Variants in CHL1 observed in about 807,000 individuals in gnomAD.
CHL1 encodes cell adhesion molecule L1 like.
In CHL1, 96 loss-of-function variants were observed where a neutral mutation model predicts 141.9. The observed-to-expected ratio is 0.68, with a 90% CI of 0.57 to 0.80. The LOEUF is 0.80. Among genes scored for constraint, CHL1 ranks in the 30% least tolerant of loss-of-function variants. The pLI is 0.00. For synonymous variants in CHL1, 613 were observed against 502.2 expected, an observed-to-expected ratio of 1.22 and a Z score of -2.95; for missense variants, 1,820 against 1,457.2, an observed-to-expected ratio of 1.25 and a Z score of -4.05.
chr3:366,364 G>A (rs1704882799), intron 15 of CHL1, among the ~76,000 whole-genome samples: 2 of 151,708 alleles, frequency 1.3e-5, no homozygotes, highest in Admixed American at 6.6e-5. Context: ...CCAGCTACTC[G>A]AGAGGCTGGT....
Position 406,258 on chromosome 3 carries a change from G to C in CHL1, c.*547G>C, listed in dbSNP as rs1709525622. 6.6e-6 allele frequency: 1 copy of C among 152,212 alleles called. No homozygotes were observed. The highest frequency in any genetic ancestry group is 2.4e-5 in the African/African-American group (1 of 41,414). 9.4% of individuals were successfully genotyped at this position (152,212 alleles called of 1,614,324 possible). ...TAAATTTTACTAGCAAAAGTCTTAG[G>C]TGAACAATCAACTAGTATTTGTTGA... On this transcript the variant is annotated 3_prime_UTR_variant, in exon 28 of 28. Transcript: ENST00000256509.
At chr3:289,890 T>A (rs936215195) in intron 2 of CHL1, among the ~76,000 whole-genome samples, 3 of 151,650 alleles carry the variant, frequency 2.0e-5, no homozygotes, top group African/African-American at 4.8e-5. Context: ...AAATGATCAT[T>A]TTTGTTATGG....
At position 360,290 on chromosome 3, in the gene CHL1, C is replaced by T; in HGVS notation, c.1172C>T (p.Pro391Leu). The T allele has an allele frequency of 6.2e-7, 1 of 1,613,634 alleles. No homozygotes were observed. The highest frequency in any genetic ancestry group is 1.1e-5 in the South Asian group (1 of 91,064). The change falls in exon 12 of 28, where the codon CCA becomes CTA. Residue 391 changes from proline (P) to leucine (L), a missense_variant. By Grantham distance (98) the Pro-to-Leu change is moderately conservative. Transcript: ENST00000256509. ...ATTCTTTAATCTCTTTCAGATCATC[C>T]ATTTGCTGGTGATGTTGTCTTCCCC... ...RVNGSPVDNH[P>L]FAGDVVFPRE...
chr3:292,261 A>G (rs1697759582), intron 2 of CHL1, among the ~76,000 whole-genome samples: 1 of 152,208 alleles, frequency 6.6e-6, no homozygotes, highest in South Asian at 2.1e-4. Flanking sequence ...GTTTCTGCAA[A>G]CAGGGCAACT....
rs562767106 is a variant in CHL1 at position 264,036 on chromosome 3, TGGAG to T, written c.-95+19345_-95+19348del. On this transcript the variant is annotated intron_variant, in intron 2 of 27. Transcript: ENST00000256509. The stretch of plus-strand genomic sequence containing the variant: ...CAGTCTTAGACTTGCAGAAATGCCT[TGGAG>T]TTTTTTGTTTGACATTTCTTTGTCC... Among the ~76,000 whole-genome samples the T allele has an allele frequency of 9.8e-5, 15 of 152,362 alleles. 1 individual carries two copies. Among genetic ancestry groups the T allele is most frequent in the Admixed American group, 9.1e-4 (14 of 15,304 alleles).
rs188198531 is a variant in CHL1 at position 215,074 on chromosome 3, T to A, written c.-175+18011T>A. Among the ~76,000 whole-genome samples the A allele has an allele frequency of 2.6e-5, 4 of 152,108 alleles. No individual in the cohort carries two copies. The East Asian group carries it at 7.7e-4, about 29-fold the overall frequency. ...TTCTCATGCTAGCAAAATGAAAACTTGAAAGTAATATGTTGAAGAGATACT... is the reference window on the plus strand; with the variant it reads ...TTCTCATGCTAGCAAAATGAAAACTAGAAAGTAATATGTTGAAGAGATACT... On this transcript the variant is annotated intron_variant, in intron 1 of 27. Coordinates refer to ENST00000256509, the MANE Select transcript of CHL1 (RefSeq NM_006614.4).
At chr3:362,425 C>G (rs1235776052) in intron 13 of CHL1, among the ~76,000 whole-genome samples, 1 of 152,070 alleles carries the variant, frequency 6.6e-6, no homozygotes, top group Non-Finnish European at 1.5e-5. Flanking sequence ...TATTTTAAAT[C>G]ATGATACGTA....
rs779243871 is a variant in CHL1, at chr3:342,089, C to T, written c.679+7C>T. ...AAACTAACAGTTAACAGTTGTAAGT[C>T]CACATAATTTATCGTTTCATCATGT... On this transcript the variant is annotated splice_region_variant and intron_variant, in intron 7 of 27. Transcript: ENST00000256509. The T allele has an allele frequency of 1.5e-5, 24 of 1,598,340 alleles. No individual in the cohort carries two copies. The Middle Eastern group carries it at 5.0e-4, about 33-fold the overall frequency.
At chr3:253,984 A>AT (rs76550400) in intron 2 of CHL1, among the ~76,000 whole-genome samples, 25,209 of 152,138 alleles carry the variant, frequency 0.17, 2,353 homozygotes, top group East Asian at 0.39. Context: ...TATTATCTCC[A>AT]TTTTACGAAT....
intron 27 of CHL1, among the ~76,000 whole-genome samples, chr3:402,057 C>T (rs74880458): frequency 0.012 from 1,837 of 152,334 alleles, 42 homozygotes; most frequent in African/African-American, 0.042. Flanking sequence ...TGTATACCTA[C>T]AGCGTTGCAC....
chr3:377,683 T>C, intron 15 of CHL1, 135 bp from the exon 16 acceptor site: 1 of 703,510 alleles, frequency 1.4e-6, no homozygotes, highest in Non-Finnish European at 2.3e-6. Flanking sequence ...CATTCTCTAA[T>C]CAAATTTGCA....
chr3:398,163 A>AT (rs1205154638), intron 24 of CHL1, 64 bp from the exon 25 acceptor site: 6 of 1,185,148 alleles, frequency 5.1e-6, no homozygotes, highest in Admixed American at 5.0e-5. Flanking sequence ...TAACAACAAT[A>AT]TTTTTTTATG....
intron 1 of CHL1, among the ~76,000 whole-genome samples, chr3:216,665 A>G (rs1199843717): frequency 6.6e-6 from 1 of 152,216 alleles, no homozygotes; most frequent in Non-Finnish European, 1.5e-5. Flanking sequence ...TATTTGGTAG[A>G]CTTATTTCTT....
chr3:285,961 GT>G (rs1170543148), intron 2 of CHL1, among the ~76,000 whole-genome samples: 2 of 151,924 alleles, frequency 1.3e-5, no homozygotes, highest in Admixed American at 6.6e-5. Flanking sequence ...CTCTCTGGCA[GT>G]TTTTTTTCTC....
At chr3:297,939 A>G (rs1698350384) in intron 2 of CHL1, among the ~76,000 whole-genome samples, 1 of 152,220 alleles carries the variant, frequency 6.6e-6, no homozygotes, top group Non-Finnish European at 1.5e-5. Context: ...CAAAATACAA[A>G]TGAACTCCAT....
rs1575618237 is a variant in CHL1, at chr3:217,347, G to A, written c.-175+20284G>A. On this transcript the variant is annotated intron_variant, in intron 1 of 27. Transcript: ENST00000256509. ...TATTCATGCATCAAATATTTATTGA[G>A]CTGCGAACAAATCCCAGGCACTGTG... is the stretch of plus-strand genomic sequence containing the variant. 3.3e-5 allele frequency among the ~76,000 whole-genome samples: 5 copies of A among 152,148 alleles called. No homozygotes were observed. In the East Asian group the frequency reaches 9.7e-4, roughly 29 times the overall value.
At chr3:215,227 C>G (rs1398734090) in intron 1 of CHL1, among the ~76,000 whole-genome samples, 1 of 152,120 alleles carries the variant, frequency 6.6e-6, no homozygotes, top group Non-Finnish European at 1.5e-5. Flanking sequence ...GAATAGTACT[C>G]AGCCATAATA....
chr3:223,150 G>A (rs1701006662), intron 1 of CHL1, among the ~76,000 whole-genome samples: 1 of 151,966 alleles, frequency 6.6e-6, no homozygotes, highest in Non-Finnish European at 1.5e-5. Context: ...ACATCTTTGG[G>A]GTTATTATTT....
intron 5 of CHL1, among the ~76,000 whole-genome samples, chr3:337,396 T>C (rs1333833044): frequency 6.6e-6 from 1 of 151,930 alleles, no homozygotes; most frequent in Non-Finnish European, 1.5e-5. Flanking sequence ...CTTTAAGTTC[T>C]AGGGTACATG....
Sources: allele counts gnomAD v4.1 joint callset (sites outside exome capture counted in the v4.1 genomes callset), GRCh38; gene constraint gnomAD v4.1.1; transcripts MANE v1.5; gene names NCBI Gene and HGNC (gene_info 2026-07-23, HGNC 2026-07-21).